PTCHD4: variants seen among roughly 807,000 people sequenced by gnomAD.
The protein encoded by PTCHD4 is patched domain containing 4, also known as patched domain-containing protein 4.
In PTCHD4, 33 loss-of-function variants were observed where a neutral mutation model predicts 58.1. That is an observed-to-expected ratio of 0.57 (90% CI 0.43 to 0.76). The LOEUF (loss-of-function observed/expected upper bound fraction) is 0.76. PTCHD4 is among the 30% of genes least tolerant of loss of function. The pLI, the probability that PTCHD4 is intolerant of heterozygous loss-of-function variation, is 0.00. For missense variants in PTCHD4, 1,058 were observed against 1,027.1 expected (o/e 1.03, Z -0.41); for synonymous variants, 478 against 409.6 (o/e 1.17, Z -2.02).
intron 4 of PTCHD4, among the ~76,000 whole-genome samples, chr6:47,928,156 C>T (rs1179331416): frequency 6.6e-6 from 1 of 152,162 alleles, no homozygotes; most frequent in Non-Finnish European, 1.5e-5. Context: ...CAAGCTCACA[C>T]CTCCTTGAAG....
At chr6:47,943,506 T>C (rs1766309145) in intron 4 of PTCHD4, among the ~76,000 whole-genome samples, 1 of 152,116 alleles carries the variant, frequency 6.6e-6, no homozygotes, top group Non-Finnish European at 1.5e-5. Context: ...GGAAAGTTAT[T>C]GTATTAATTA....
chr6:47,938,127 TG>T (rs1766076484), intron 4 of PTCHD4, among the ~76,000 whole-genome samples: 1 of 152,172 alleles, frequency 6.6e-6, no homozygotes, highest in South Asian at 2.1e-4. Context: ...CACTCCAGCC[TG>T]GGCGACAGAG....
rs565943074 is a variant in PTCHD4 at position 48,031,243 on chromosome 6, T to G, written c.418-22129A>C. 2.1e-4 allele frequency among the ~76,000 whole-genome samples: 32 copies of G among 152,274 alleles called. No homozygotes were observed. The South Asian group carries it at 6.4e-3, about 31-fold the overall frequency. ...CAGGTAATGTTTAAACATCCTAGTT[T>G]GCCTTCAGCAAGAATCCTATCATAT... On this transcript the variant is annotated intron_variant, in intron 3 of 4. Coordinates refer to ENST00000339488, the MANE Select transcript of PTCHD4 (RefSeq NM_001384253.1).
chr6:48,100,421 C>T (rs921234086), intron 1 of PTCHD4, among the ~76,000 whole-genome samples: 7 of 152,182 alleles, frequency 4.6e-5, no homozygotes, highest in Non-Finnish European at 7.3e-5. Flanking sequence ...AACAGAACCT[C>T]TCTTTTCAGT....
intron 1 of PTCHD4, among the ~76,000 whole-genome samples, chr6:48,101,619 G>A (rs1262140617): frequency 1.3e-5 from 2 of 152,136 alleles, no homozygotes; most frequent in Admixed American, 1.3e-4. Context: ...AAACTGGGTA[G>A]CCTCACGATT....
chr6:47,938,126 C>T (rs1428502148), intron 4 of PTCHD4, among the ~76,000 whole-genome samples: 2 of 152,096 alleles, frequency 1.3e-5, no homozygotes, highest in African/African-American at 2.4e-5. Context: ...GCACTCCAGC[C>T]TGGGCGACAG....
intron 4 of PTCHD4, chr6:47,900,740 G>A (rs1057170767): frequency 6.6e-6 from 1 of 152,204 alleles, no homozygotes; most frequent in African/African-American, 2.4e-5. Flanking sequence ...TGTTGTTAGA[G>A]TTTGTCAAAT....
chr6:47,890,829 GCTCTCTCT>G, intron 4 of PTCHD4: 1 of 913,258 alleles, frequency 1.1e-6, no homozygotes, highest in Non-Finnish European at 1.3e-6. Flanking sequence ...TTGCTTTCCT[GCTCTCTCT>G]CTTTCCCTGC....
At chr6:47,997,076 AT>A (rs1280598843) in intron 4 of PTCHD4, among the ~76,000 whole-genome samples, 1 of 152,182 alleles carries the variant, frequency 6.6e-6, no homozygotes, top group Non-Finnish European at 1.5e-5. Flanking sequence ...AGGTAATAGA[AT>A]TATAGAGAAT....
At chr6:47,940,791 T>C (rs922664986) in intron 4 of PTCHD4, among the ~76,000 whole-genome samples, 8 of 152,210 alleles carry the variant, frequency 5.3e-5, no homozygotes, top group Admixed American at 3.9e-4. Flanking sequence ...TCACTCCTTC[T>C]TAATATCAGG....
intron 4 of PTCHD4, among the ~76,000 whole-genome samples, chr6:48,007,071 T>C (rs1762463365): frequency 1.3e-5 from 2 of 152,048 alleles, no homozygotes; most frequent in African/African-American, 4.8e-5. Context: ...AAACCTCGTC[T>C]CTACTAAAAA....
intron 4 of PTCHD4, among the ~76,000 whole-genome samples, chr6:47,880,512 A>C (rs1220934635): frequency 7.1e-6 from 1 of 140,612 alleles, no homozygotes; most frequent in Non-Finnish European, 1.5e-5. Flanking sequence ...TTGATTAATT[A>C]GCTCCGGATG....
intron 4 of PTCHD4, among the ~76,000 whole-genome samples, chr6:47,933,533 AT>A (rs1488049130): frequency 6.6e-6 from 1 of 152,246 alleles, no homozygotes; most frequent in Non-Finnish European, 1.5e-5. Context: ...AACCAAAAAC[AT>A]TTTAAGTGCT....
chr6:47,924,960 A>G (rs1765551795), intron 4 of PTCHD4, among the ~76,000 whole-genome samples: 1 of 149,622 alleles, frequency 6.7e-6, no homozygotes, highest in South Asian at 2.1e-4. Flanking sequence ...ATAAAAAAGC[A>G]TATACATATA....
At chr6:47,959,866 T>C (rs1350437256) in intron 4 of PTCHD4, among the ~76,000 whole-genome samples, 1 of 126,440 alleles carries the variant, frequency 7.9e-6, no homozygotes, top group Non-Finnish European at 1.7e-5. Context: ...GTCTTCCAAA[T>C]AGAAAAAAAA....
rs181152366 is a variant in PTCHD4, at chr6:47,956,192, T to G, written c.898+52442A>C. On this transcript the variant is annotated intron_variant, in intron 4 of 4. Transcript: ENST00000339488. ...CTTACCAATTTGGTTCTGTTTCTTC[T>G]GTGTCTCTGGAGAATCCTGACGATA... Among the ~76,000 whole-genome samples, 1,063 of 152,330 alleles carry G rather than the reference T, an allele frequency of 7.0e-3. 14 individuals carry two copies. Among genetic ancestry groups the G allele is most frequent in the African/African-American group, 0.023 (954 of 41,574 alleles).
At chr6:48,110,379 C>T (rs1181574414) in intron 1 of PTCHD4, among the ~76,000 whole-genome samples, 1 of 151,972 alleles carries the variant, frequency 6.6e-6, no homozygotes, top group Non-Finnish European at 1.5e-5. Flanking sequence ...AAGAAATAAA[C>T]TACCCTGCAT....
chr6:47,951,013 T>C (rs770236117), intron 4 of PTCHD4, among the ~76,000 whole-genome samples: 6 of 152,082 alleles, frequency 3.9e-5, no homozygotes, highest in Non-Finnish European at 7.4e-5. Flanking sequence ...AAAAGCTTAA[T>C]TGGAGTGAGT....
At chr6:47,966,059 T>C (rs945496240) in intron 4 of PTCHD4, among the ~76,000 whole-genome samples, 3 of 152,246 alleles carry the variant, frequency 2.0e-5, no homozygotes, top group African/African-American at 7.2e-5. Context: ...TACTTCAGAA[T>C]GAAAGATAAC....
Sources: allele counts gnomAD v4.1 joint callset (sites outside exome capture counted in the v4.1 genomes callset), GRCh38; gene constraint gnomAD v4.1.1; transcripts MANE v1.5; gene names NCBI Gene and HGNC (gene_info 2026-07-23, HGNC 2026-07-21).